The following NRXN3 variants were observed in gnomAD, a reference collection of about 807,000 sequenced individuals.
NRXN3 encodes the protein neurexin III.
NRXN3 carries 32 observed loss-of-function variants against 137.6 expected under a neutral mutation model. The observed-to-expected ratio is 0.23, with a 90% CI of 0.18 to 0.31. NRXN3 has a LOEUF of 0.31. Among genes scored for constraint, NRXN3 ranks in the 10% least tolerant of loss-of-function variants. NRXN3 has a pLI of 1.00. For synonymous variants in NRXN3, 798 were observed against 784.5 expected, an observed-to-expected ratio of 1.02 and a Z score of -0.29; for missense variants, 1,574 against 2,062.5, an observed-to-expected ratio of 0.76 and a Z score of 4.59.
chr14:78,746,114 G>C (rs1244120391), intron 8 of NRXN3, among the ~76,000 whole-genome samples: 1 of 152,344 alleles, frequency 6.6e-6, no homozygotes, highest in East Asian at 1.9e-4. Context: ...GACAGGCTTT[G>C]ATTCTAATAG....
intron 15 of NRXN3, among the ~76,000 whole-genome samples, chr14:79,392,202 T>C (rs1475475357): frequency 6.6e-6 from 1 of 152,202 alleles, no homozygotes; most frequent in Non-Finnish European, 1.5e-5. Flanking sequence ...TGTCCATGTT[T>C]TCTCATTGTT....
chr14:79,130,318 A>G (rs367658149), intron 15 of NRXN3, among the ~76,000 whole-genome samples: 2,778 of 152,088 alleles, frequency 0.018, 83 homozygotes, highest in African/African-American at 0.064. Context: ...GGCTGGTATC[A>G]GTTGTTCCTT....
chr14:79,430,595 T>G (rs896176598), intron 15 of NRXN3, among the ~76,000 whole-genome samples: 1 of 152,172 alleles, frequency 6.6e-6, no homozygotes, highest in Non-Finnish European at 1.5e-5. Context: ...TGATTACTTT[T>G]AAAAAATCTC....
intron 15 of NRXN3, among the ~76,000 whole-genome samples, chr14:79,157,534 A>G (rs2060361624): frequency 6.6e-6 from 1 of 151,816 alleles, no homozygotes; most frequent in Non-Finnish European, 1.5e-5. Flanking sequence ...AAAGCAGCAA[A>G]TACTTATCTT....
At chr14:78,764,470 G>A (rs898811818) in intron 8 of NRXN3, among the ~76,000 whole-genome samples, 1 of 152,002 alleles carries the variant, frequency 6.6e-6, no homozygotes, top group Non-Finnish European at 1.5e-5. Context: ...TTCCTTTCCC[G>A]TTAAGCTGCC....
At chr14:78,970,506 G>T (rs2153009149) in intron 14 of NRXN3, among the ~76,000 whole-genome samples, 2 of 152,072 alleles carry the variant, frequency 1.3e-5, no homozygotes, top group African/African-American at 4.8e-5. Context: ...CATGTCAATG[G>T]CTACTGTATT....
At position 78,943,729 on chromosome 14, in the gene NRXN3, G is replaced by A. The variant is rs574486851; in HGVS notation, c.2276-13513G>A. On this transcript the variant is annotated intron_variant, in intron 10 of 20. Transcript: ENST00000335750. ...GGAAGTGGAGTCAGAGGAGAGTTTA[G>A]TCTTGGACAAGGTGGCAGGGTCCTT... 1.2e-4 allele frequency among the ~76,000 whole-genome samples: 16 copies of A among 136,298 alleles called. No homozygotes were observed. The East Asian group carries it at 3.5e-3, about 30-fold the overall frequency. The allele number at this position is 136,298 out of a possible 152,430, so 89.4% of individuals were successfully genotyped here. A position where few individuals can be genotyped will look rare whatever the true frequency, so the allele number is the denominator to read the frequency against.
At chr14:79,201,172 A>C (rs2065945842) in intron 15 of NRXN3, 1 of 152,060 alleles carries the variant, frequency 6.6e-6, no homozygotes, top group South Asian at 2.1e-4. Context: ...AATGATGATG[A>C]CCCTTTTGGG....
At chr14:79,715,668 G>A (rs563908363) in intron 19 of NRXN3, among the ~76,000 whole-genome samples, 2 of 152,128 alleles carry the variant, frequency 1.3e-5, no homozygotes, top group Non-Finnish European at 2.9e-5. Context: ...ATGGGAAGAA[G>A]GCATGAACAA....
chr14:78,249,177 G>A (rs1279590025), intron 2 of NRXN3, among the ~76,000 whole-genome samples: 1 of 152,134 alleles, frequency 6.6e-6, no homozygotes, highest in Admixed American at 6.5e-5. Flanking sequence ...CTTCAATGAG[G>A]TGAAAGCAGC....
At chr14:78,235,391 C>T (rs1029840666) in intron 1 of NRXN3, among the ~76,000 whole-genome samples, 1 of 152,002 alleles carries the variant, frequency 6.6e-6, no homozygotes, top group Admixed American at 6.6e-5. Flanking sequence ...AATGGGTTTG[C>T]GCCTTCTTTG....
At chr14:79,298,451 G>C (rs2084575319) in intron 15 of NRXN3, among the ~76,000 whole-genome samples, 1 of 152,056 alleles carries the variant, frequency 6.6e-6, no homozygotes. Flanking sequence ...TTCTTAACCA[G>C]ATACATGAAT....
intron 16 of NRXN3, among the ~76,000 whole-genome samples, chr14:79,605,654 A>AT (rs1375973021): frequency 1.3e-5 from 2 of 151,776 alleles, no homozygotes; most frequent in African/African-American, 2.4e-5. Context: ...CGCCCAGCTA[A>AT]TTTTTTTGTA....
Position 78,564,976 on chromosome 14 carries a change from T to TCAG in NRXN3, c.758-80132_758-80130dup, listed in dbSNP as rs2096824105. On this transcript the variant is annotated intron_variant, in intron 4 of 20. Transcript: ENST00000335750. ...TTCCCTCTCTGAATTTCTAAAGTGCTCAGCAGCAGCAGCACTCATTTGGCA... is the reference window on the plus strand; with the variant it reads ...TTCCCTCTCTGAATTTCTAAAGTGCTCAGCAGCAGCAGCAGCACTCATTTGGCA... Among the ~76,000 whole-genome samples the TCAG allele has an allele frequency of 2.0e-5, 3 of 152,322 alleles. No homozygotes were observed. The South Asian group carries it at 6.2e-4, about 32-fold the overall frequency.
rs367977256 is a variant in NRXN3, at chr14:79,848,043, C to CA, written c.4094-13298dup. On this transcript the variant is annotated intron_variant, in intron 20 of 20. Coordinates refer to ENST00000335750, the MANE Select transcript of NRXN3 (RefSeq NM_001330195.2). Reference sequence around the variant, plus strand: ...CTGTCTAGCACAGAATAGGGCACAACACAGGTCTTCAGTGTGCCTTTGCTG... The same window carrying CA: ...CTGTCTAGCACAGAATAGGGCACAACAACAGGTCTTCAGTGTGCCTTTGCTG... Among the ~76,000 whole-genome samples, 611 of 152,262 alleles carry CA rather than the reference C, an allele frequency of 4.0e-3. 2 individuals are homozygous for CA. Among genetic ancestry groups the CA allele is most frequent in the Middle Eastern group, 0.017 (5 of 294 alleles).
At chr14:78,547,449 C>T (rs1232829172) in intron 4 of NRXN3, among the ~76,000 whole-genome samples, 3 of 152,176 alleles carry the variant, frequency 2.0e-5, no homozygotes, top group Non-Finnish European at 4.4e-5. Flanking sequence ...CCACCCTCCT[C>T]GGCCTCCCAA....
At chr14:79,101,520 G>A (rs115896309) in intron 15 of NRXN3, among the ~76,000 whole-genome samples, 1,790 of 152,222 alleles carry the variant, frequency 0.012, 31 homozygotes, top group African/African-American at 0.038. Flanking sequence ...AGTGCTTTGG[G>A]CCATGCCCTG....
intron 15 of NRXN3, among the ~76,000 whole-genome samples, chr14:79,241,506 C>T (rs537597625): frequency 6.6e-6 from 1 of 152,198 alleles, no homozygotes; most frequent in South Asian, 2.1e-4. Context: ...ATATAACCAT[C>T]AGATCTCATG....
intron 1 of NRXN3, among the ~76,000 whole-genome samples, chr14:78,174,363 G>A (rs567175234): frequency 1.7e-4 from 26 of 152,130 alleles, no homozygotes; most frequent in South Asian, 4.2e-4. Flanking sequence ...GGGCTGTGTC[G>A]AACCAGAGGG....
Sources: allele counts gnomAD v4.1 joint callset (sites outside exome capture counted in the v4.1 genomes callset), GRCh38; gene constraint gnomAD v4.1.1; transcripts MANE v1.5; gene names NCBI Gene and HGNC (gene_info 2026-07-23, HGNC 2026-07-21).